CSMD1: variants seen among roughly 807,000 people sequenced by gnomAD.
The protein encoded by CSMD1 is CUB and Sushi multiple domains 1.
Under a neutral mutation model 417.5 loss-of-function variants are expected in CSMD1, and 213 were observed. The observed-to-expected ratio is 0.51, with a 90% CI of 0.46 to 0.57. CSMD1 has a LOEUF of 0.57. CSMD1 is among the 20% of genes least tolerant of loss of function. The pLI is 0.00. For missense variants in CSMD1, 6,923 were observed against 4,529.7 expected (o/e 1.53, Z -15.17); for synonymous variants, 2,862 against 1,736.8 (o/e 1.65, Z -16.11).
At chr8:4,719,306 A>G (rs940350917) in intron 1 of CSMD1, among the ~76,000 whole-genome samples, 5 of 152,198 alleles carry the variant, frequency 3.3e-5, no homozygotes, top group African/African-American at 1.2e-4. Context: ...GAAGCCTAAT[A>G]AGAAATAAGG....
At chr8:3,735,719 C>G (rs893731073) in intron 6 of CSMD1, among the ~76,000 whole-genome samples, 3 of 152,158 alleles carry the variant, frequency 2.0e-5, no homozygotes, top group African/African-American at 4.8e-5. Context: ...ACAACAGAAA[C>G]TCGTTTGGAG....
At chr8:4,151,916 C>A (rs573090992) in intron 3 of CSMD1, among the ~76,000 whole-genome samples, 1 of 152,142 alleles carries the variant, frequency 6.6e-6, no homozygotes. Context: ...ATTTGTCTAT[C>A]AGCAGAGATA....
intron 2 of CSMD1, among the ~76,000 whole-genome samples, chr8:4,488,720 C>A (rs1801543378): frequency 6.6e-6 from 1 of 151,934 alleles, no homozygotes; most frequent in Non-Finnish European, 1.5e-5. Flanking sequence ...TGGCATCTGT[C>A]AGCATCCCCA....
intron 5 of CSMD1, among the ~76,000 whole-genome samples, chr8:3,878,799 A>G (rs1389163313): frequency 1.3e-5 from 2 of 152,146 alleles, no homozygotes; most frequent in African/African-American, 4.8e-5. Context: ...GAGTAACTAT[A>G]ACGACGACCA....
chr8:4,561,063 A>C (rs554035521), intron 2 of CSMD1, among the ~76,000 whole-genome samples: 10 of 152,338 alleles, frequency 6.6e-5, no homozygotes, highest in African/African-American at 2.4e-4. Flanking sequence ...TGATAACAAT[A>C]AAATGATATT....
intron 1 of CSMD1, among the ~76,000 whole-genome samples, chr8:4,672,027 G>A (rs918522520): frequency 2.0e-5 from 3 of 152,172 alleles, no homozygotes; most frequent in Non-Finnish European, 4.4e-5. Flanking sequence ...GAGCATGACA[G>A]TGATGACACC....
At chr8:3,464,867 T>C (rs1563064728) in intron 12 of CSMD1, among the ~76,000 whole-genome samples, 1 of 152,156 alleles carries the variant, frequency 6.6e-6, no homozygotes. Flanking sequence ...TCCCATTACT[T>C]TCTGACACTT....
chr8:4,748,969 A>T (rs1306747233), intron 1 of CSMD1, among the ~76,000 whole-genome samples: 1 of 152,210 alleles, frequency 6.6e-6, no homozygotes, highest in Non-Finnish European at 1.5e-5. Flanking sequence ...TCTTCTAATA[A>T]GTTCTAAGCT....
At chr8:4,510,936 C>T (rs1410549043) in intron 2 of CSMD1, among the ~76,000 whole-genome samples, 2 of 150,786 alleles carry the variant, frequency 1.3e-5, no homozygotes, top group African/African-American at 4.9e-5. Context: ...TCTCCGTTCC[C>T]GTTCCTTTCC....
chr8:3,730,575 A>T (rs192095463), intron 6 of CSMD1, among the ~76,000 whole-genome samples: 1 of 152,260 alleles, frequency 6.6e-6, no homozygotes, highest in East Asian at 1.9e-4. Flanking sequence ...ACAGCTTTGC[A>T]CACACTATAT....
At chr8:4,975,974 G>C (rs1425864523) in intron 1 of CSMD1, among the ~76,000 whole-genome samples, 1 of 152,194 alleles carries the variant, frequency 6.6e-6, no homozygotes, top group East Asian at 1.9e-4. Context: ...GCTTGAAAAA[G>C]AAATAGGTGT....
At chr8:3,707,469 C>G (rs116956442) in intron 7 of CSMD1, among the ~76,000 whole-genome samples, 1 of 152,154 alleles carries the variant, frequency 6.6e-6, no homozygotes, top group African/African-American at 2.4e-5. Context: ...ATAGAAAACA[C>G]AACCCAATGG....
chr8:2,949,412 G>GAAAAGAAAAC (rs746191318), intron 67 of CSMD1, 26 bp from the exon 68 acceptor site: 2 of 1,306,526 alleles, frequency 1.5e-6, no homozygotes, highest in East Asian at 4.7e-5. Flanking sequence ...GAAAAGAAAA[G>GAAAAGAAAAC]AAATAAAAAG....
chr8:3,278,770 GT>G (rs2117202682), intron 26 of CSMD1: 2 of 152,146 alleles, frequency 1.3e-5, no homozygotes, highest in South Asian at 4.1e-4. Context: ...TGGACAGGCT[GT>G]TTTGCACTTT....
chr8:3,729,999 A>C (rs1802745252), intron 6 of CSMD1, among the ~76,000 whole-genome samples: 1 of 145,282 alleles, frequency 6.9e-6, no homozygotes, highest in African/African-American at 2.5e-5. Context: ...ATGTTTCAAA[A>C]AGTTCAGAGG....
intron 5 of CSMD1, among the ~76,000 whole-genome samples, chr8:3,972,895 A>T (rs1414691464): frequency 6.6e-6 from 1 of 152,240 alleles, no homozygotes; most frequent in Non-Finnish European, 1.5e-5. Flanking sequence ...ATCAAAATGT[A>T]AAAATGGAAA....
chr8:3,182,812 G>A (rs1320757711), intron 36 of CSMD1, among the ~76,000 whole-genome samples: 1 of 89,318 alleles, frequency 1.1e-5, no homozygotes, highest in South Asian at 3.6e-4. Flanking sequence ...GGATGGTCTC[G>A]GGGGACTCTG....
intron 4 of CSMD1, among the ~76,000 whole-genome samples, chr8:4,013,624 A>G (rs1266203579): frequency 2.0e-5 from 3 of 152,182 alleles, no homozygotes; most frequent in East Asian, 1.9e-4. Flanking sequence ...TCATTTGCTT[A>G]TTTATGTTAT....
Position 3,343,346 on chromosome 8 carries a change from C to T in CSMD1, c.3579G>A (p.Glu1193=). Residue 1193 remains glutamate, a synonymous_variant, in exon 23 of 70, where the codon GAG becomes GAA. Transcript: ENST00000635120. ...CGGTGTCAGATCCATTGGTGTTGAACTCTAGCCACAGGTGATTGGATGTGC... is the reference window on the plus strand; with the variant it reads ...CGGTGTCAGATCCATTGGTGTTGAATTCTAGCCACAGGTGATTGGATGTGC... ...LNSTSNHLWL[E]FNTNGSDTDQ... The T allele has an allele frequency of 6.2e-7, 1 of 1,613,804 alleles. No individual in the cohort carries two copies. The highest frequency in any genetic ancestry group is 8.5e-7 in the Non-Finnish European group (1 of 1,179,782).
Sources: gnomAD v4.1 joint callset for allele counts (sites outside exome capture counted in the v4.1 genomes callset) on GRCh38, gnomAD v4.1.1 for gene constraint, MANE v1.5 for transcripts, NCBI Gene and HGNC (gene_info 2026-07-23, HGNC 2026-07-21) for gene names.